Variants in PAPPA observed in about 807,000 individuals in gnomAD.
PAPPA encodes pappalysin-1.
Under a neutral mutation model 164.0 loss-of-function variants are expected in PAPPA, and 60 were observed. The ratio of observed to expected loss-of-function variants is 0.37; its 90% CI spans 0.30 to 0.45. PAPPA has a LOEUF of 0.45. Ranked by LOEUF, PAPPA falls within the 20% of genes least tolerant of loss-of-function variation. The probability of loss-of-function intolerance (pLI) is 1.00; values close to 1 mark genes in which losing one functional copy is unlikely to be tolerated. For missense variants in PAPPA, 1,782 were observed against 2,087.3 expected (o/e 0.85, Z 2.85); for synonymous variants, 875 against 814.1 (o/e 1.07, Z -1.27).
At chr9:116,379,260 G>C (rs887260859) in intron 20 of PAPPA, among the ~76,000 whole-genome samples, 1 of 152,102 alleles carries the variant, frequency 6.6e-6, no homozygotes, top group Non-Finnish European at 1.5e-5. Context: ...GCCTTGTCTG[G>C]AGCTGAAAAT....
intron 10 of PAPPA, among the ~76,000 whole-genome samples, chr9:116,320,577 C>G (rs896832514): frequency 1.3e-5 from 2 of 152,148 alleles, no homozygotes; most frequent in Non-Finnish European, 2.9e-5. Context: ...CGCAAACCAC[C>G]CCTCCCTTTC....
chr9:116,345,369 T>C (rs1846193460), intron 14 of PAPPA, among the ~76,000 whole-genome samples: 1 of 151,336 alleles, frequency 6.6e-6, no homozygotes, highest in Non-Finnish European at 1.5e-5. Context: ...GGGGTGTGTG[T>C]TGGGGAGAAG....
intron 10 of PAPPA, among the ~76,000 whole-genome samples, chr9:116,324,839 T>G (rs1845902237): frequency 6.6e-6 from 1 of 152,148 alleles, no homozygotes; most frequent in African/African-American, 2.4e-5. Context: ...AGCACCACTG[T>G]ATAGATGCCA....
chr9:116,348,328 T>C (rs1268025090), intron 15 of PAPPA, among the ~76,000 whole-genome samples: 4 of 151,718 alleles, frequency 2.6e-5, no homozygotes, highest in African/African-American at 4.8e-5. Context: ...TCTCTTGAAC[T>C]TGATATTGCC....
In PAPPA at chr9:116,187,689, G is replaced by A. The variant is rs1394625093; in HGVS notation, c.951G>A (p.Leu317=). The stretch of plus-strand genomic sequence containing the variant: ...AATTCAGCAATGCCCACGGCTTTCT[G>A]CTGGACACGAGTCTGGAGCCTCCTC... The part of the protein sequence containing the change: ...KVEFSNAHGF[L]LDTSLEPPLC... The change falls in exon 2 of 22, where the codon CTG becomes CTA. Residue 317 remains leucine, a synonymous_variant. Coordinates refer to ENST00000328252, the MANE Select transcript of PAPPA (RefSeq NM_002581.5). This position sits in a 1 kb window ranked among gnomAD's most constrained non-coding sequence, Gnocchi z 4.2. 2.5e-6 allele frequency: 4 copies of A among 1,614,140 alleles called. No individual in the cohort carries two copies. In the African/African-American group the frequency reaches 5.3e-5, roughly 22 times the overall value.
chr9:116,222,378 G>A (rs1481932802), intron 5 of PAPPA, among the ~76,000 whole-genome samples: 1 of 152,088 alleles, frequency 6.6e-6, no homozygotes, highest in East Asian at 1.9e-4. Flanking sequence ...CCTATTGTAA[G>A]TTGAAAATAT....
At chr9:116,232,612 C>G (rs574971085) in intron 6 of PAPPA, among the ~76,000 whole-genome samples, 1 of 152,210 alleles carries the variant, frequency 6.6e-6, no homozygotes, top group South Asian at 2.1e-4. Context: ...AGACTTAGTG[C>G]CAACGTAAAA....
intron 9 of PAPPA, among the ~76,000 whole-genome samples, chr9:116,298,396 C>A (rs541817668): frequency 7.2e-5 from 11 of 152,352 alleles, no homozygotes; most frequent in African/African-American, 2.6e-4. Context: ...CACCTACCCA[C>A]GTCAAGTCTC....
chr9:116,345,451 A>C (rs1312582268), intron 14 of PAPPA, among the ~76,000 whole-genome samples: 1 of 151,884 alleles, frequency 6.6e-6, no homozygotes, highest in Admixed American at 6.6e-5. Context: ...AAAAAAAAAA[A>C]AACATGCCAC....
In PAPPA at chr9:116,398,822, G is replaced by A. The variant is rs1847004769; in HGVS notation, c.*2206G>A. The A allele has an allele frequency of 1.3e-5, 5 of 383,418 alleles. No homozygotes were observed. 23.8% of individuals were successfully genotyped at this position (383,418 alleles called of 1,614,324 possible). On this transcript the variant is annotated 3_prime_UTR_variant, in exon 22 of 22. Transcript: ENST00000328252. ...ACCATTACTTCACTATAATTACAAG[G>A]ACAAATTATTAGCAAGAAATAAGAA...
chr9:116,210,815 T>G (rs1216344662), intron 3 of PAPPA, among the ~76,000 whole-genome samples: 1 of 152,202 alleles, frequency 6.6e-6, no homozygotes, highest in Non-Finnish European at 1.5e-5. Context: ...AGATTCTGCA[T>G]TTCTACTAAG....
intron 17 of PAPPA, among the ~76,000 whole-genome samples, chr9:116,362,183 A>G (rs1033958335): frequency 2.6e-5 from 4 of 152,112 alleles, no homozygotes; most frequent in African/African-American, 9.7e-5. Context: ...AGTAAACTTT[A>G]GTGTTCCTCA....
chr9:116,188,312 G>T, intron 2 of PAPPA, 96 bp downstream of exon 2: 1 of 870,932 alleles, frequency 1.1e-6, no homozygotes, highest in Non-Finnish European at 1.8e-6. Flanking sequence ...GGTGATATGG[G>T]GATTTTCTGG....
rs139929948 is a variant in PAPPA, at chr9:116,307,552, C to T, written c.3147+4602C>T. 1.5e-3 allele frequency among the ~76,000 whole-genome samples: 231 copies of T among 152,092 alleles called. 1 individual carries two copies. Among genetic ancestry groups the T allele is most frequent in the East Asian group, 7.4e-3 (38 of 5,158 alleles). On this transcript the variant is annotated intron_variant, in intron 10 of 21. Coordinates refer to ENST00000328252, the MANE Select transcript of PAPPA (RefSeq NM_002581.5). ...TTCAAGCGGTTGCAGTGAGCCGAGA[C>T]GGTGCCATTACATTCCAGCCTTGGT... is the stretch of plus-strand genomic sequence containing the variant.
chr9:116,154,161 G>T lies in PAPPA; in HGVS notation c.-12G>T. The T allele has an allele frequency of 1.6e-6, 2 of 1,224,432 alleles. No homozygotes were observed. The highest frequency in any genetic ancestry group is 2.2e-6 in the Non-Finnish European group (2 of 926,426). 75.8% of individuals were successfully genotyped at this position (1,224,432 alleles called of 1,614,324 possible). A position where few individuals can be genotyped will look rare whatever the true frequency, so the allele number is the denominator to read the frequency against. On this transcript the variant is annotated 5_prime_UTR_variant, in exon 1 of 22. Transcript: ENST00000328252. The surrounding 1 kb of genome is among the most constrained non-coding windows in gnomAD (Gnocchi z 5.2). ...TGCAGGGGCGAAGGGGGGGCGGGGG[G>T]AACCGTCGGACATGCGGCTCTGGAG...
intron 10 of PAPPA, among the ~76,000 whole-genome samples, chr9:116,315,947 G>A (rs1845782801): frequency 6.6e-6 from 1 of 152,124 alleles, no homozygotes; most frequent in Admixed American, 6.6e-5. Context: ...ACTGTTTTTT[G>A]TACATTTAAA....
chr9:116,385,063 G>A (rs1248744744), intron 21 of PAPPA, among the ~76,000 whole-genome samples: 7 of 151,596 alleles, frequency 4.6e-5, no homozygotes, highest in East Asian at 1.9e-4. Flanking sequence ...GTGAAACCCC[G>A]TCTCTACTAA....
chr9:116,318,778 C>T (rs1845817838), intron 10 of PAPPA: 1 of 152,156 alleles, frequency 6.6e-6, no homozygotes, highest in Admixed American at 6.5e-5. Flanking sequence ...TTAAAACAAA[C>T]ACAGGCCTCA....
intron 7 of PAPPA, among the ~76,000 whole-genome samples, chr9:116,237,684 T>C (rs771875771): frequency 2.0e-4 from 31 of 152,060 alleles, no homozygotes; most frequent in Non-Finnish European, 3.5e-4. Context: ...CAACTTTGCA[T>C]GCAGGAGGTT....
Sources: gnomAD v4.1 joint callset for allele counts (sites outside exome capture counted in the v4.1 genomes callset) on GRCh38, gnomAD v4.1.1 for gene constraint, Gnocchi (gnomAD v3.1) non-coding constraint, MANE v1.5 for transcripts, NCBI Gene and HGNC (gene_info 2026-07-23, HGNC 2026-07-21) for gene names.